PAICS: variants seen among roughly 807,000 people sequenced by gnomAD.
PAICS encodes bifunctional phosphoribosylaminoimidazole carboxylase/phosphoribosylaminoimidazole succinocarboxamide synthetase.
Under a neutral mutation model 53.7 loss-of-function variants are expected in PAICS, and 33 were observed. The observed-to-expected ratio is 0.61, with a 90% CI of 0.47 to 0.82. The LOEUF is 0.82. PAICS is among the 40% of genes least tolerant of loss of function. PAICS has a pLI of 0.00. For missense variants in PAICS, 394 were observed against 494.1 expected, an observed-to-expected ratio of 0.80 and a Z score of 1.92; for synonymous variants, 141 against 167.2, an observed-to-expected ratio of 0.84 and a Z score of 1.21.
At chr4:56,445,397 A>G in intron 2 of PAICS, among the ~76,000 whole-genome samples, 1 of 152,090 alleles carries the variant, frequency 6.6e-6, no homozygotes, top group South Asian at 2.1e-4. Flanking sequence ...GGAGTTCCTG[A>G]CCAACATGAT....
At position 56,452,063 on chromosome 4, in the gene PAICS, A is replaced by G; in HGVS notation, c.952+11A>G. 6.5e-7 allele frequency: 1 copy of G among 1,535,660 alleles called. No homozygotes were observed. The highest frequency in any genetic ancestry group is 1.2e-5 in the South Asian group (1 of 85,900). On this transcript the variant is annotated intron_variant, in intron 7 of 8. Coordinates refer to ENST00000512576, the MANE Select transcript of PAICS (RefSeq NM_001079524.2). The stretch of plus-strand genomic sequence containing the variant: ...AAGCTGAGTATGAAGGTAAACCACA[A>G]GTAATATGGACATTTCAGGTATTTC...
the PAICS span, among the ~76,000 whole-genome samples, chr4:56,411,053 T>C: frequency 2.0e-5 from 3 of 152,118 alleles, no homozygotes; most frequent in East Asian, 3.9e-4. Context: ...CAATTTATTA[T>C]GCTATTTTGC....
chr4:56,457,814 A>G (rs904563548), intron 8 of PAICS, among the ~76,000 whole-genome samples: 2 of 151,850 alleles, frequency 1.3e-5, no homozygotes, highest in Non-Finnish European at 2.9e-5. Context: ...CATGCCAGCT[A>G]ATTTTGATTA....
chr4:56,464,387 A>G lies in PAICS; in HGVS notation c.*4849A>G, dbSNP rs1156611907. ...TAACAATAGGGTATTGTGAATACAC[A>G]AAAGTAGGAAGGACTCTGATCTCTA... On this transcript the variant is annotated 3_prime_UTR_variant, in exon 9 of 9. Coordinates refer to ENST00000512576, the MANE Select transcript of PAICS (RefSeq NM_001079524.2). The G allele has an allele frequency of 7.4e-6, 1 of 135,540 alleles. No homozygotes were observed. Among genetic ancestry groups the G allele is most frequent in the African/African-American group, 2.9e-5 (1 of 34,148 alleles). The allele number at this position is 135,540 out of a possible 1,614,324, so 8.4% of individuals were successfully genotyped here.
At chr4:56,455,496 T>C (rs1042191769) in intron 8 of PAICS, among the ~76,000 whole-genome samples, 15 of 152,186 alleles carry the variant, frequency 9.9e-5, no homozygotes, top group Non-Finnish European at 1.6e-4. Flanking sequence ...ATTTTGCCTT[T>C]CTCTAGGCTT....
chr4:56,448,737 A>T lies in PAICS; in HGVS notation c.601A>T (p.Lys201Ter). ...KIEFGVDVTTKEIVLADVIDN... is the reference protein window; with the variant it reads ...KIEFGVDVTT ...TGAATTTGGTGTTGATGTAACCACCAAAGAAATTGTTCTTGCTGATGTTAT... is the reference window on the plus strand; with the variant it reads ...TGAATTTGGTGTTGATGTAACCACCTAAGAAATTGTTCTTGCTGATGTTAT... Residue 201 changes from lysine (K) to a stop codon, truncating the protein, a stop_gained, in exon 5 of 9, where the codon AAA (lysine) becomes TAA (stop). Transcript: ENST00000512576. LOFTEE classifies it high-confidence loss of function. The T allele has an allele frequency of 2.5e-6, 4 of 1,595,604 alleles. No homozygotes were observed. Among genetic ancestry groups the T allele is most frequent in the Non-Finnish European group, 2.6e-6 (3 of 1,169,162 alleles).
chr4:56,418,590 A>G, the PAICS span, among the ~76,000 whole-genome samples: 4 of 152,218 alleles, frequency 2.6e-5, no homozygotes, highest in Non-Finnish European at 5.9e-5. Flanking sequence ...AAGTACTGGG[A>G]TTACAGGCCT....
chr4:56,423,800 T>TATA, the PAICS span, among the ~76,000 whole-genome samples: 1 of 152,030 alleles, frequency 6.6e-6, no homozygotes, highest in East Asian at 1.9e-4. Flanking sequence ...AAAGCAAAGA[T>TATA]ATAAACCCAC....
chr4:56,451,631 GTTTA>G (rs1320141534), intron 6 of PAICS, among the ~76,000 whole-genome samples: 6 of 152,110 alleles, frequency 3.9e-5, no homozygotes, highest in Non-Finnish European at 8.8e-5. Flanking sequence ...TATCTTTACT[GTTTA>G]TTTTAAATAA....
intron 1 of PAICS, among the ~76,000 whole-genome samples, chr4:56,438,392 T>TATATAC (rs1280178269): frequency 8.2e-6 from 1 of 122,310 alleles, no homozygotes; most frequent in Non-Finnish European, 1.7e-5. Flanking sequence ...TATATATATA[T>TATATAC]ATATATATAT....
At chr4:56,458,446 A>T (rs1053516651) in intron 8 of PAICS, among the ~76,000 whole-genome samples, 1 of 152,196 alleles carries the variant, frequency 6.6e-6, no homozygotes, top group Non-Finnish European at 1.5e-5. Context: ...GCAATGCTCT[A>T]AGCACTTTAT....
At chr4:56,424,296 CT>C in the PAICS span, among the ~76,000 whole-genome samples, 1 of 152,184 alleles carries the variant, frequency 6.6e-6, no homozygotes, top group East Asian at 1.9e-4. Flanking sequence ...CAATTTGGAA[CT>C]TCTGAAGGTT....
chr4:56,436,230 A>G, upstream of PAICS: 3 of 1,542,410 alleles, frequency 1.9e-6, no homozygotes, highest in East Asian at 2.5e-5. Context: ...TTCCCCGCCC[A>G]GCGAAGCTCT....
At chr4:56,417,291 A>G in the PAICS span, among the ~76,000 whole-genome samples, 1 of 152,210 alleles carries the variant, frequency 6.6e-6, no homozygotes, top group Non-Finnish European at 1.5e-5. Context: ...TAACCTAAAT[A>G]AGAAAAAAAA....
the PAICS span, among the ~76,000 whole-genome samples, chr4:56,417,303 T>G: frequency 3.3e-5 from 5 of 151,388 alleles, no homozygotes; most frequent in African/African-American, 1.2e-4. Context: ...GAAAAAAAAT[T>G]CTGAAAAGCA....
intron 2 of PAICS, among the ~76,000 whole-genome samples, chr4:56,444,958 A>G (rs1718530336): frequency 6.6e-6 from 1 of 152,178 alleles, no homozygotes; most frequent in Non-Finnish European, 1.5e-5. Flanking sequence ...TACCACCCCA[A>G]GTTGAGAATT....
At chr4:56,420,808 G>C in the PAICS span, 7 of 152,250 alleles carry the variant, frequency 4.6e-5, no homozygotes, top group Admixed American at 3.9e-4. Context: ...TGTCTTTAAA[G>C]TATATTTAAA....
In PAICS at chr4:56,463,972, AAG is replaced by A. The variant is rs140820209; in HGVS notation, c.*4435_*4436del. The A allele has an allele frequency of 0.049, 7,448 of 152,164 alleles. 581 individuals carry two copies. The highest frequency in any genetic ancestry group is 0.17 in the African/African-American group (6,934 of 41,386). 9.4% of individuals were successfully genotyped at this position (152,164 alleles called of 1,614,324 possible). On this transcript the variant is annotated 3_prime_UTR_variant, in exon 9 of 9. Transcript: ENST00000512576. ...CATTGAGGGCCTGAATAGAACAAAAAAGGGGAAGAAGGGTGAACTGCTGGGAC... is the reference window on the plus strand; with the variant it reads ...CATTGAGGGCCTGAATAGAACAAAAAGGGAAGAAGGGTGAACTGCTGGGAC...
At chr4:56,450,589 G>A in intron 5 of PAICS, 30 bp from the exon 6 acceptor site, 1 of 1,214,406 alleles carries the variant, frequency 8.2e-7, no homozygotes, top group Non-Finnish European at 1.2e-6. Context: ...AGAGATACTT[G>A]TTTTCTAAAC....
Sources: allele counts gnomAD v4.1 joint callset (sites outside exome capture counted in the v4.1 genomes callset), GRCh38; gene constraint gnomAD v4.1.1; transcripts MANE v1.5; gene names NCBI Gene and HGNC (gene_info 2026-07-23, HGNC 2026-07-21).